The following LEPROT variants were observed in gnomAD, a reference collection of about 807,000 sequenced individuals.
LEPROT encodes leptin receptor gene-related protein.
A neutral mutation model predicts 15.4 loss-of-function variants in LEPROT; 3 were observed. That is an observed-to-expected ratio of 0.19 (90% CI 0.09 to 0.50). LEPROT has a LOEUF of 0.50. LEPROT is among the 20% of genes least tolerant of loss of function. The pLI, the probability that LEPROT is intolerant of heterozygous loss-of-function variation, is 0.97. For missense variants in LEPROT, 137 were observed against 162.2 expected (o/e 0.84, Z 0.84); for synonymous variants, 59 against 57.5 (o/e 1.03, Z -0.12).
In LEPROT at chr1:65,435,594, C is replaced by T. The variant is rs1056123660; in HGVS notation, c.*3675C>T. On this transcript the variant is annotated 3_prime_UTR_variant, in exon 4 of 4. Transcript: ENST00000371065. ...GTGTTAGCCAGGATGGTCTCGATCT[C>T]CTGACCTCATGATCCGCCCGCCTCT... 60 of 641,338 alleles carry T rather than the reference C, an allele frequency of 9.4e-5. No individual in the cohort carries two copies. The highest frequency in any genetic ancestry group is 1.1e-4 in the Non-Finnish European group (55 of 515,926). 39.7% of individuals were successfully genotyped at this position (641,338 alleles called of 1,614,324 possible). A position where few individuals can be genotyped will look rare whatever the true frequency, so the allele number is the denominator to read the frequency against.
Position 65,429,932 on chromosome 1 carries a change from G to A in LEPROT, c.163G>A (p.Val55Ile). ...CATCCCCCATTTCATTGCCAAAAGA[G>A]TCACCTATGACTCAGATGCAACCAG... ...SPIPHFIAKRVTYDSDATSSA... is the reference protein window; with the variant it reads ...SPIPHFIAKRITYDSDATSSA... Residue 55 changes from valine (V) to isoleucine (I), a missense_variant, in exon 3 of 4, where the codon GTC (valine) becomes ATC (isoleucine). Transcript: ENST00000371065. 1 of 1,558,930 alleles carries A rather than the reference G, an allele frequency of 6.4e-7. No individual in the cohort carries two copies. Among genetic ancestry groups the A allele is most frequent in the Non-Finnish European group, 8.8e-7 (1 of 1,140,304 alleles).
At chr1:65,428,726 G>T (rs1274820982) in intron 2 of LEPROT, among the ~76,000 whole-genome samples, 1 of 152,000 alleles carries the variant, frequency 6.6e-6, no homozygotes, top group Non-Finnish European at 1.5e-5. Flanking sequence ...AATGAGCAGA[G>T]ACTTTTTTTT....
chr1:65,430,969 G>A (rs954638371), intron 3 of LEPROT, among the ~76,000 whole-genome samples: 7 of 152,192 alleles, frequency 4.6e-5, no homozygotes, highest in African/African-American at 1.7e-4. Context: ...GTGTAAGAAT[G>A]CAGTATATAG....
intron 2 of LEPROT, among the ~76,000 whole-genome samples, chr1:65,428,658 G>T (rs1253703198): frequency 2.0e-5 from 3 of 152,178 alleles, no homozygotes; most frequent in South Asian, 2.1e-4. Flanking sequence ...TGCTGTCTGG[G>T]CGTATCTGTG....
In LEPROT at chr1:65,420,839, G is replaced by A; in HGVS notation, c.16+99G>A. The A allele has an allele frequency of 1.4e-6, 2 of 1,407,634 alleles. 1 individual carries two copies. Among genetic ancestry groups the A allele is most frequent in the South Asian group, 2.6e-5 (2 of 78,260 alleles). 87.2% of individuals were successfully genotyped at this position (1,407,634 alleles called of 1,614,324 possible). A position where few individuals can be genotyped will look rare whatever the true frequency, so the allele number is the denominator to read the frequency against. On this transcript the variant is annotated intron_variant, in intron 1 of 3. Coordinates refer to ENST00000371065, the MANE Select transcript of LEPROT (RefSeq NM_017526.5). ...GCCTTCCGCGCGCCGTTGGGGAACG[G>A]CCTCACCACCCTTCCCGCCTCTCCG...
intron 2 of LEPROT, among the ~76,000 whole-genome samples, chr1:65,426,218 A>T (rs9436740): frequency 0.32 from 47,093 of 145,502 alleles, 7,875 homozygotes; most frequent in African/African-American, 0.47. Flanking sequence ...AGGAAAGCTG[A>T]ATGCTAAGGC....
intron 2 of LEPROT, among the ~76,000 whole-genome samples, chr1:65,426,493 A>ACTGCAGTCAGG (rs1646373409): frequency 6.6e-6 from 1 of 152,142 alleles, no homozygotes; most frequent in African/African-American, 2.4e-5. Context: ...TAGATAGGAA[A>ACTGCAGTCAGG]GAGCTGAGAC....
Position 65,420,838 on chromosome 1 carries a change from G to A in LEPROT, c.16+98G>A, listed in dbSNP as rs1442017013. On this transcript the variant is annotated intron_variant, in intron 1 of 3. Coordinates refer to ENST00000371065, the MANE Select transcript of LEPROT (RefSeq NM_017526.5). ...CGCCTTCCGCGCGCCGTTGGGGAAC[G>A]GCCTCACCACCCTTCCCGCCTCTCC... The A allele has an allele frequency of 9.8e-6, 14 of 1,422,942 alleles. No homozygotes were observed. The East Asian group carries it at 2.1e-4, about 21-fold the overall frequency. The allele number at this position is 1,422,942 out of a possible 1,614,324, so 88.1% of individuals were successfully genotyped here. A position where few individuals can be genotyped will look rare whatever the true frequency, so the allele number is the denominator to read the frequency against.
chr1:65,429,371 G>C (rs1646442550), intron 2 of LEPROT, among the ~76,000 whole-genome samples: 1 of 152,086 alleles, frequency 6.6e-6, no homozygotes, highest in South Asian at 2.1e-4. Flanking sequence ...CAAATGAAGG[G>C]AAAAGAGTAC....
Position 65,432,563 on chromosome 1 carries a change from G to GT in LEPROT, c.*647dup. Reference sequence around the variant, plus strand: ...CTCTCTGGGTGTTACCTGCTCATTTGTTTAAAAAAAAAAAAAAAGTCTCAC... The same window carrying GT: ...CTCTCTGGGTGTTACCTGCTCATTTGTTTTAAAAAAAAAAAAAAAGTCTCAC... On this transcript the variant is annotated 3_prime_UTR_variant, in exon 4 of 4. Coordinates refer to ENST00000371065, the MANE Select transcript of LEPROT (RefSeq NM_017526.5). 1.2e-6 allele frequency: 1 copy of GT among 830,122 alleles called. No homozygotes were observed. The highest frequency in any genetic ancestry group is 1.4e-6 in the Non-Finnish European group (1 of 701,674). 51.4% of individuals were successfully genotyped at this position (830,122 alleles called of 1,614,324 possible).
chr1:65,421,129 G>A (rs1646241203), intron 1 of LEPROT, among the ~76,000 whole-genome samples: 1 of 152,186 alleles, frequency 6.6e-6, no homozygotes, highest in Non-Finnish European at 1.5e-5. Flanking sequence ...TGCCACAAAG[G>A]ACCCTTTGTC....
Position 65,435,317 on chromosome 1 carries a change from G to A in LEPROT, c.*3398G>A. On this transcript the variant is annotated 3_prime_UTR_variant, in exon 4 of 4. Transcript: ENST00000371065. ...TCATTATGTTAATAACCTTCTTTAT[G>A]TTCTCAGGGAAATGCTTAGGTGGTG... 4 of 980,104 alleles carry A rather than the reference G, an allele frequency of 4.1e-6. No individual in the cohort carries two copies. Among genetic ancestry groups the A allele is most frequent in the Non-Finnish European group, 4.8e-6 (4 of 827,500 alleles). 60.7% of individuals were successfully genotyped at this position (980,104 alleles called of 1,614,324 possible).
Position 65,434,387 on chromosome 1 carries a change from A to T in LEPROT, c.*2468A>T. ...ATAGTGACTATAGTCGAAAACTGAG[A>T]TTGCACTTCCAAAATTGGCCACAAG... On this transcript the variant is annotated 3_prime_UTR_variant, in exon 4 of 4. Coordinates refer to ENST00000371065, the MANE Select transcript of LEPROT (RefSeq NM_017526.5). 3.0e-6 allele frequency: 3 copies of T among 985,422 alleles called. No individual in the cohort carries two copies. Among genetic ancestry groups the T allele is most frequent in the Non-Finnish European group, 3.6e-6 (3 of 829,934 alleles). 61.0% of individuals were successfully genotyped at this position (985,422 alleles called of 1,614,324 possible). A position where few individuals can be genotyped will look rare whatever the true frequency, so the allele number is the denominator to read the frequency against.
chr1:65,433,321 C>T lies in LEPROT; in HGVS notation c.*1402C>T. The T allele has an allele frequency of 1.0e-6, 1 of 985,380 alleles. No individual in the cohort carries two copies. The highest frequency in any genetic ancestry group is 1.2e-6 in the Non-Finnish European group (1 of 829,904). The allele number at this position is 985,380 out of a possible 1,614,324, so 61.0% of individuals were successfully genotyped here. A position where few individuals can be genotyped will look rare whatever the true frequency, so the allele number is the denominator to read the frequency against. On this transcript the variant is annotated 3_prime_UTR_variant, in exon 4 of 4. Transcript: ENST00000371065. ...TGTACTTGTCTTCCGTCCTGTAGGT[C>T]TTTTCTATATAACTTTATGCCACCC...
In LEPROT at chr1:65,433,271, A is replaced by G; in HGVS notation, c.*1352A>G. The G allele has an allele frequency of 1.0e-6, 1 of 985,388 alleles. No individual in the cohort carries two copies. Among genetic ancestry groups the G allele is most frequent in the Non-Finnish European group, 1.2e-6 (1 of 829,936 alleles). The allele number at this position is 985,388 out of a possible 1,614,324, so 61.0% of individuals were successfully genotyped here. ...AGCCATGTAAGCACGCAGTGGGTGAACTGCTTAATTTCACTACGTGTTGAT... is the reference window on the plus strand; with the variant it reads ...AGCCATGTAAGCACGCAGTGGGTGAGCTGCTTAATTTCACTACGTGTTGAT... On this transcript the variant is annotated 3_prime_UTR_variant, in exon 4 of 4. Coordinates refer to ENST00000371065, the MANE Select transcript of LEPROT (RefSeq NM_017526.5).
chr1:65,422,630 C>T (rs751249216), intron 1 of LEPROT, among the ~76,000 whole-genome samples: 2 of 152,224 alleles, frequency 1.3e-5, no homozygotes, highest in Non-Finnish European at 2.9e-5. Flanking sequence ...TGTGGCTTCC[C>T]TTGGCAAGGC....
chr1:65,430,943 A>T (rs1055408480), intron 3 of LEPROT, among the ~76,000 whole-genome samples: 3 of 152,222 alleles, frequency 2.0e-5, no homozygotes, highest in Non-Finnish European at 4.4e-5. Flanking sequence ...TGGCTGTTGT[A>T]TGGAATGACA....
At position 65,420,700 on chromosome 1, in the gene LEPROT, C is replaced by G. The variant is rs1324320328; in HGVS notation, c.-25C>G. 1 of 1,576,146 alleles carries G rather than the reference C, an allele frequency of 6.3e-7. No individual in the cohort carries two copies. Among genetic ancestry groups the G allele is most frequent in the Admixed American group, 1.9e-5 (1 of 52,496 alleles). Reference sequence around the variant, plus strand: ...CCGGGCCGTGGCAGGAAGCCGGAAGCAGCCGCGGCCCCAGTTCGGGAGACA... The same window carrying G: ...CCGGGCCGTGGCAGGAAGCCGGAAGGAGCCGCGGCCCCAGTTCGGGAGACA... On this transcript the variant is annotated 5_prime_UTR_variant, in exon 1 of 4. Transcript: ENST00000371065.
intron 3 of LEPROT, 54 bp downstream of exon 3, chr1:65,430,102 G>C (rs1037265115): frequency 9.1e-6 from 13 of 1,433,256 alleles, no homozygotes; most frequent in Non-Finnish European, 1.2e-5. Context: ...TACTTCAGAG[G>C]CCTGTGTCTG....
Sources: allele counts gnomAD v4.1 joint callset (sites outside exome capture counted in the v4.1 genomes callset), GRCh38; gene constraint gnomAD v4.1.1; transcripts MANE v1.5; gene names NCBI Gene and HGNC (gene_info 2026-07-23, HGNC 2026-07-21).